FAM161B: variants seen among roughly 807,000 people sequenced by gnomAD.
FAM161B encodes the protein protein FAM161B.
In FAM161B, 46 loss-of-function variants were observed where a neutral mutation model predicts 61.5. The observed-to-expected ratio is 0.75, with a 90% CI of 0.59 to 0.96. FAM161B has a LOEUF of 0.96. FAM161B is among the 40% of genes least tolerant of loss of function. The pLI is 0.00. For synonymous variants in FAM161B, 284 were observed against 302.7 expected (o/e 0.94, Z 0.64); for missense variants, 774 against 800.7 (o/e 0.97, Z 0.40).
At chr14:73,949,392 G>C (rs1033179705) in intron 1 of FAM161B, among the ~76,000 whole-genome samples, 7 of 151,822 alleles carry the variant, frequency 4.6e-5, no homozygotes, top group Admixed American at 4.6e-4. Flanking sequence ...GCCAATTTTT[G>C]TATTTTTAGT....
chr14:73,931,598 G>A (rs142584180), downstream of FAM161B: 11 of 1,538,362 alleles, frequency 7.2e-6, no homozygotes, highest in East Asian at 1.8e-4. Context: ...TGCGTATACT[G>A]GGAACAGGAT....
chr14:73,930,041 C>T (rs964396935), downstream of FAM161B, among the ~76,000 whole-genome samples: 1 of 152,164 alleles, frequency 6.6e-6, no homozygotes, highest in Non-Finnish European at 1.5e-5. Flanking sequence ...AGTTCACATT[C>T]TTGAACTCAA....
chr14:73,946,412 A>T lies in FAM161B; in HGVS notation c.248T>A (p.Leu83Ter). The change falls in exon 2 of 9, where the codon TTG (leucine) becomes TAG (stop). Residue 83 changes from leucine (L) to a stop codon, truncating the protein, a stop_gained. Transcript: ENST00000286544. LOFTEE classifies it high-confidence loss of function. ...ELKQKGRWCL[L>*]ESLFQSDPES... is the part of the protein sequence containing the mutation. ...TGGGTCAGACTGAAAGAGAGACTCC[A>T]ACAGACACCATCTCCCTTTCTGCTT... 6.2e-7 allele frequency: 1 copy of T among 1,614,168 alleles called. No homozygotes were observed. Among genetic ancestry groups the T allele is most frequent in the Non-Finnish European group, 8.5e-7 (1 of 1,180,020 alleles).
intron 1 of FAM161B, among the ~76,000 whole-genome samples, chr14:73,947,744 A>G (rs1379067860): frequency 6.6e-6 from 1 of 152,216 alleles, no homozygotes; most frequent in East Asian, 1.9e-4. Flanking sequence ...ACTTGTAATC[A>G]GTACATCAGT....
chr14:73,949,094 A>AT (rs2056099477), intron 1 of FAM161B, among the ~76,000 whole-genome samples: 1 of 137,990 alleles, frequency 7.2e-6, no homozygotes, highest in African/African-American at 2.7e-5. Context: ...AATTTTTTGT[A>AT]TTTTTTTGTT....
At chr14:73,931,400 G>GGAAGTAGA (rs2055912565), downstream of FAM161B, 4 of 970,222 alleles carry the variant, frequency 4.1e-6, no homozygotes, top group African/African-American at 6.6e-5. Flanking sequence ...ATTCACCCCT[G>GGAAGTAGA]TAGTGCATTC....
At chr14:73,937,907 C>G in intron 6 of FAM161B, 41 bp downstream of exon 6, 1 of 1,611,204 alleles carries the variant, frequency 6.2e-7, no homozygotes, top group South Asian at 1.1e-5. Flanking sequence ...TCTGTTGGAT[C>G]CCAAGGCAAG....
rs909408156 is a variant in FAM161B, at chr14:73,937,843, G to C, written c.1565+105C>G. 5.1e-6 allele frequency: 8 copies of C among 1,567,138 alleles called. No homozygotes were observed. In the African/African-American group the frequency reaches 1.1e-4, roughly 21 times the overall value. On this transcript the variant is annotated intron_variant, in intron 6 of 8. Transcript: ENST00000286544. ...AATCATGACCCTGCTGTGATTACAG[G>C]AGCCTACCTACCTCGATAACTCTAT...
chr14:73,928,548 C>T (rs74402498), downstream of FAM161B, among the ~76,000 whole-genome samples: 511 of 152,244 alleles, frequency 3.4e-3, no homozygotes, highest in Non-Finnish European at 4.8e-3. Context: ...CATTTGTTCC[C>T]TAGAACCTAG....
chr14:73,923,366 C>T, the FAM161B span: 2 of 1,605,880 alleles, frequency 1.2e-6, no homozygotes, highest in Non-Finnish European at 1.7e-6. Context: ...ATTCACTTTT[C>T]ATTGAAACAT....
At position 73,934,287 on chromosome 14, in the gene FAM161B, T is replaced by G; in HGVS notation, c.1913A>C (p.Gln638Pro). 8.1e-6 allele frequency: 13 copies of G among 1,614,068 alleles called. No individual in the cohort carries two copies. Among genetic ancestry groups the G allele is most frequent in the African/African-American group, 1.3e-5 (1 of 75,042 alleles). ...AAGTGATACGAGATTTTCTGGTGAC[T>G]GATGAGACAGCTCCTCCAGTACTTT... ...PRKVLEELSHQSPENLVSLA is the reference protein window; with the variant it reads ...PRKVLEELSHPSPENLVSLA The change falls in exon 9 of 9, where the codon CAG (glutamine) becomes CCG (proline). Residue 638 changes from glutamine (Q) to proline (P), a missense_variant. Coordinates refer to ENST00000286544, the MANE Select transcript of FAM161B (RefSeq NM_152445.3).
At chr14:73,948,922 A>ATT (rs542417797) in intron 1 of FAM161B, among the ~76,000 whole-genome samples, 11 of 144,476 alleles carry the variant, frequency 7.6e-5, no homozygotes, top group African/African-American at 1.0e-4. Flanking sequence ...CACCTGGCTA[A>ATT]TTTTTTTTTT....
In FAM161B at chr14:73,932,319, A is replaced by AGAT; in HGVS notation, c.*1934_*1936dup. On this transcript the variant is annotated 3_prime_UTR_variant, in exon 9 of 9. Coordinates refer to ENST00000286544, the MANE Select transcript of FAM161B (RefSeq NM_152445.3). ...TTTTATACAAAATTTGTTTTCTTAG[A>AGAT]GATTAAGAATTTAATCTTTCCCTTT... 2.9e-6 allele frequency: 1 copy of AGAT among 343,042 alleles called. No individual in the cohort carries two copies. Among genetic ancestry groups the AGAT allele is most frequent in the Non-Finnish European group, 5.7e-6 (1 of 176,650 alleles). 21.2% of individuals were successfully genotyped at this position (343,042 alleles called of 1,614,324 possible).
rs574017123 is a variant in FAM161B, at chr14:73,948,920, T to C, written c.54+1053A>G. On this transcript the variant is annotated intron_variant, in intron 1 of 8. Transcript: ENST00000286544. ...GGAGGCACGCGCCACCACACCTGGCTAATTTTTTTTTTTTTTTGAGACGGA... is the reference window on the plus strand; with the variant it reads ...GGAGGCACGCGCCACCACACCTGGCCAATTTTTTTTTTTTTTTGAGACGGA... Among the ~76,000 whole-genome samples, 137 of 151,644 alleles carry C rather than the reference T, an allele frequency of 9.0e-4. 2 individuals are homozygous for C. The South Asian group carries it at 0.028, about 31-fold the overall frequency.
intron 8 of FAM161B, among the ~76,000 whole-genome samples, chr14:73,935,355 G>A (rs939246931): frequency 2.0e-5 from 3 of 151,842 alleles, no homozygotes; most frequent in African/African-American, 7.3e-5. Flanking sequence ...GTGAAACCCC[G>A]TCTCTACTAA....
chr14:73,939,739 A>G (rs2056001633), intron 5 of FAM161B, among the ~76,000 whole-genome samples: 1 of 152,268 alleles, frequency 6.6e-6, no homozygotes, highest in Non-Finnish European at 1.5e-5. Context: ...TAGTTTGTTC[A>G]GTTATCTACA....
chr14:73,935,459 C>T (rs1334964335), intron 8 of FAM161B, among the ~76,000 whole-genome samples: 2 of 150,950 alleles, frequency 1.3e-5, no homozygotes, highest in African/African-American at 2.4e-5. Flanking sequence ...ACCCAGGAGG[C>T]GGAGCTTGCA....
In FAM161B at chr14:73,949,800, T is replaced by C. The variant is rs1190974277; in HGVS notation, c.54+173A>G. ...GACATTGCCTATCAAGAGCCTCGTA[T>C]AAAGTCCGAGAGGTTCAGGTCTGTA... is the stretch of plus-strand genomic sequence containing the variant. On this transcript the variant is annotated intron_variant, in intron 1 of 8. Coordinates refer to ENST00000286544, the MANE Select transcript of FAM161B (RefSeq NM_152445.3). 3 of 868,644 alleles carry C rather than the reference T, an allele frequency of 3.5e-6. No individual in the cohort carries two copies. The African/African-American group carries it at 5.1e-5, about 15-fold the overall frequency. The allele number at this position is 868,644 out of a possible 1,614,324, so 53.8% of individuals were successfully genotyped here.
rs374300499 is a variant in FAM161B at position 73,944,727 on chromosome 14, G to A, written c.533C>T (p.Thr178Met). 48 of 1,602,578 alleles carry A rather than the reference G, an allele frequency of 3.0e-5. No individual in the cohort carries two copies. The highest frequency in any genetic ancestry group is 1.7e-4 in the Middle Eastern group (1 of 6,040). ...GGCCTTCTTCCGGGCCTCGCGCAGC[G>A]TCATGCGGAATGGCCGAGGGACAGT... ...SITVPRPFRM[T>M]LREARKKAEW... is the part of the protein sequence containing the mutation. The change falls in exon 3 of 9, where the codon ACG becomes ATG. Residue 178 changes from threonine (T) to methionine (M), a missense_variant. Transcript: ENST00000286544.
Sources: allele counts gnomAD v4.1 joint callset (sites outside exome capture counted in the v4.1 genomes callset), GRCh38; gene constraint gnomAD v4.1.1; transcripts MANE v1.5; gene names NCBI Gene and HGNC (gene_info 2026-07-23, HGNC 2026-07-21).